CSTPP1: variants seen among roughly 807,000 people sequenced by gnomAD.
CSTPP1 encodes the protein UPF0705 protein C11orf49.
At chr11:46,964,285 C>T in the CSTPP1 span, among the ~76,000 whole-genome samples, 4 of 143,478 alleles carry the variant, frequency 2.8e-5, no homozygotes, top group South Asian at 8.3e-4. Flanking sequence ...TTCTCTCTCT[C>T]TCTCTTTTTT....
the CSTPP1 span, among the ~76,000 whole-genome samples, chr11:46,989,740 T>C: frequency 1.3e-5 from 2 of 152,222 alleles, no homozygotes; most frequent in African/African-American, 4.8e-5. Flanking sequence ...CATGGGTACA[T>C]TGCACCCAGG....
At chr11:46,969,938 T>G in the CSTPP1 span, among the ~76,000 whole-genome samples, 1 of 152,192 alleles carries the variant, frequency 6.6e-6, no homozygotes, top group Non-Finnish European at 1.5e-5. Flanking sequence ...CTAATTTTTT[T>G]GTATTTTTAG....
the CSTPP1 span, chr11:47,159,559 G>A: frequency 2.2e-6 from 1 of 451,846 alleles, no homozygotes; most frequent in Non-Finnish European, 4.4e-6. Context: ...CAAGAGTAAG[G>A]GGGAGGCGGG....
chr11:47,089,337 A>G, the CSTPP1 span, among the ~76,000 whole-genome samples: 1 of 152,186 alleles, frequency 6.6e-6, no homozygotes, highest in Non-Finnish European at 1.5e-5. Context: ...ATATTTATAT[A>G]TGGGTCCATA....
chr11:46,972,985 G>A, the CSTPP1 span, among the ~76,000 whole-genome samples: 1 of 152,166 alleles, frequency 6.6e-6, no homozygotes, highest in Non-Finnish European at 1.5e-5. Context: ...TAACAACTGT[G>A]TGACCTTGGG....
the CSTPP1 span, among the ~76,000 whole-genome samples, chr11:47,050,300 C>G: frequency 6.6e-6 from 1 of 152,118 alleles, no homozygotes; most frequent in Non-Finnish European, 1.5e-5. Flanking sequence ...CTTTCTAAAT[C>G]AATTTCCACA....
the CSTPP1 span, among the ~76,000 whole-genome samples, chr11:47,092,924 C>T: frequency 2.0e-5 from 3 of 152,174 alleles, no homozygotes; most frequent in African/African-American, 7.2e-5. Context: ...GGATTTTCGT[C>T]TCTGTTAATT....
At chr11:46,986,998 A>T in the CSTPP1 span, among the ~76,000 whole-genome samples, 1 of 152,216 alleles carries the variant, frequency 6.6e-6, no homozygotes, top group Non-Finnish European at 1.5e-5. Flanking sequence ...GCAATTGGTC[A>T]TGTTCACATC....
At chr11:46,942,001 TCTGA>T in the CSTPP1 span, among the ~76,000 whole-genome samples, 1 of 152,222 alleles carries the variant, frequency 6.6e-6, no homozygotes, top group African/African-American at 2.4e-5. Context: ...TATTTACCTT[TCTGA>T]CTATTAGTGA....
the CSTPP1 span, among the ~76,000 whole-genome samples, chr11:47,061,429 T>G: frequency 1.3e-5 from 2 of 152,220 alleles, no homozygotes; most frequent in Non-Finnish European, 2.9e-5. Context: ...AATGAAGATG[T>G]TGGTCTGACT....
At chr11:47,081,935 CTTT>C in the CSTPP1 span, among the ~76,000 whole-genome samples, 21 of 133,280 alleles carry the variant, frequency 1.6e-4, no homozygotes, top group Non-Finnish European at 1.6e-4. Flanking sequence ...ACAAAAAAAC[CTTT>C]TTTTTTTTTT....
chr11:47,032,950 ATGTATTTTATAC>A, the CSTPP1 span, among the ~76,000 whole-genome samples: 1 of 152,254 alleles, frequency 6.6e-6, no homozygotes, highest in African/African-American at 2.4e-5. Flanking sequence ...TACCTTGTAT[ATGTATTTTATAC>A]TGTATTCCTA....
At chr11:47,154,536 A>G in the CSTPP1 span, 1 of 152,732 alleles carries the variant, frequency 6.5e-6, no homozygotes, top group African/African-American at 2.4e-5. Flanking sequence ...GTGAACATGG[A>G]TGCAAGGAGG....
At chr11:46,956,139 G>A in the CSTPP1 span, among the ~76,000 whole-genome samples, 1 of 152,208 alleles carries the variant, frequency 6.6e-6, no homozygotes, top group Non-Finnish European at 1.5e-5. Context: ...GTGTATGTGT[G>A]TGGGTGTGTA....
At chr11:47,133,565 G>A in the CSTPP1 span, among the ~76,000 whole-genome samples, 1 of 152,246 alleles carries the variant, frequency 6.6e-6, no homozygotes, top group Non-Finnish European at 1.5e-5. Context: ...TGAGGCTGCT[G>A]TGCTGGAGCC....
the CSTPP1 span, among the ~76,000 whole-genome samples, chr11:47,016,945 C>T: frequency 6.7e-6 from 1 of 148,688 alleles, no homozygotes; most frequent in Non-Finnish European, 1.5e-5. Context: ...CAGGTTCACG[C>T]CATTCTCCTG....
At chr11:47,061,814 C>A in the CSTPP1 span, among the ~76,000 whole-genome samples, 4 of 152,096 alleles carry the variant, frequency 2.6e-5, no homozygotes, top group Non-Finnish European at 4.4e-5. Flanking sequence ...ATGTTTATTT[C>A]CTTCTTCAAA....
At chr11:46,990,250 C>T in the CSTPP1 span, among the ~76,000 whole-genome samples, 2 of 152,196 alleles carry the variant, frequency 1.3e-5, 1 homozygote, top group South Asian at 4.1e-4. Flanking sequence ...TTTACATTCC[C>T]ACCAACAGTG....
chr11:47,052,716 G>T, the CSTPP1 span: 1 of 637,956 alleles, frequency 1.6e-6, no homozygotes, highest in Non-Finnish European at 2.5e-6. Context: ...GAGTTGTCTG[G>T]TTTATGTCAA....
Sources: allele counts gnomAD v4.1 joint callset (sites outside exome capture counted in the v4.1 genomes callset), GRCh38; gene constraint gnomAD v4.1.1; transcripts MANE v1.5; gene names NCBI Gene and HGNC (gene_info 2026-07-23, HGNC 2026-07-21).